The following TMEM229B variants were observed in gnomAD, a reference collection of about 807,000 sequenced individuals.
TMEM229B encodes the protein chromosome 14 open reading frame 83.
In TMEM229B, 6 loss-of-function variants were observed where a neutral mutation model predicts 13.7. That is an observed-to-expected ratio of 0.44 (90% CI 0.24 to 0.86). The LOEUF (loss-of-function observed/expected upper bound fraction) is 0.86. Among genes scored for constraint, TMEM229B ranks in the 40% least tolerant of loss-of-function variants. TMEM229B has a pLI of 0.23. For missense variants in TMEM229B, 170 were observed against 236.0 expected, an observed-to-expected ratio of 0.72 and a Z score of 1.83; for synonymous variants, 107 against 102.1, an observed-to-expected ratio of 1.05 and a Z score of -0.29.
rs1442844639 is a variant in TMEM229B at position 67,473,602 on chromosome 14, A to G, written c.322T>C (p.Phe108Leu). 6.2e-7 allele frequency: 1 copy of G among 1,603,344 alleles called. No individual in the cohort carries two copies. The highest frequency in any genetic ancestry group is 1.7e-5 in the Admixed American group (1 of 57,464). Residue 108 changes from phenylalanine (F) to leucine (L), a missense_variant, in exon 3 of 3, where the codon TTC (phenylalanine) becomes CTC (leucine). Physicochemically the swap from Phe to Leu is conservative, Grantham distance 22. This residue lies in a region of TMEM229B where 57 missense variants were observed against 66.7 expected (regional missense o/e 0.85). Transcript: ENST00000554480. This position sits in a 1 kb window ranked among gnomAD's most constrained non-coding sequence, Gnocchi z 6.5. The part of the protein sequence containing the change: ...FNACPWDYSQ[F>L]DFDFMGLITL... ...ATGAGGCCCATGAAGTCAAAGTCGAACTGGGAGTAGTCCCAGGGGCAGGCG... is the reference window on the plus strand; with the variant it reads ...ATGAGGCCCATGAAGTCAAAGTCGAGCTGGGAGTAGTCCCAGGGGCAGGCG...
chr14:67,525,912 T>C (rs1205416709), intron 1 of TMEM229B, among the ~76,000 whole-genome samples: 3 of 152,074 alleles, frequency 2.0e-5, no homozygotes, highest in Non-Finnish European at 4.4e-5. Flanking sequence ...CATCTGAGAG[T>C]TTCCCCAATG....
chr14:67,512,330 TAAG>T (rs1256207429), intron 1 of TMEM229B, among the ~76,000 whole-genome samples: 1 of 152,110 alleles, frequency 6.6e-6, no homozygotes, highest in Admixed American at 6.5e-5. Context: ...TGATGTAGAG[TAAG>T]AAGAAGATCT....
chr14:67,499,805 C>G (rs1420146767), intron 1 of TMEM229B, among the ~76,000 whole-genome samples: 2 of 151,708 alleles, frequency 1.3e-5, no homozygotes, highest in Non-Finnish European at 2.9e-5. Flanking sequence ...CCTCAATTCC[C>G]ACAGGCATGA....
At chr14:67,519,981 C>T (rs569858848), upstream of TMEM229B, among the ~76,000 whole-genome samples, 1 of 152,290 alleles carries the variant, frequency 6.6e-6, no homozygotes, top group East Asian at 1.9e-4. Flanking sequence ...CCTCGGCCCC[C>T]CAAAGTGCTG....
intron 1 of TMEM229B, among the ~76,000 whole-genome samples, chr14:67,504,606 G>T (rs997358487): frequency 1.3e-5 from 2 of 152,146 alleles, no homozygotes; most frequent in African/African-American, 4.8e-5. Flanking sequence ...AAAACAATAG[G>T]CCATGTGCGG....
In TMEM229B at chr14:67,531,911, A is replaced by C. The variant is rs1253502825; in HGVS notation, c.-192+1725T>G. Among the ~76,000 whole-genome samples, 9 of 44,204 alleles carry C rather than the reference A, an allele frequency of 2.0e-4. No individual in the cohort carries two copies. In the East Asian group the frequency reaches 3.4e-3, roughly 16 times the overall value. The allele number at this position is 44,204 out of a possible 152,430, so 29.0% of individuals were successfully genotyped here. A position where few individuals can be genotyped will look rare whatever the true frequency, so the allele number is the denominator to read the frequency against. ...AACAGAACAAGAAGAACCTATGTCC[A>C]AAAAAAAAAAAAAAAAAAAAGTGAA... On this transcript the variant is annotated intron_variant, in intron 1 of 2. Transcript: ENST00000554278.
At chr14:67,489,486 A>G (rs1254641574), upstream of TMEM229B, among the ~76,000 whole-genome samples, 1 of 152,004 alleles carries the variant, frequency 6.6e-6, no homozygotes, top group Non-Finnish European at 1.5e-5. Context: ...CGCTGCTGGG[A>G]GCGTGAAGAA....
intron 2 of TMEM229B, among the ~76,000 whole-genome samples, chr14:67,475,385 A>C (rs1327430819): frequency 6.6e-6 from 1 of 152,150 alleles, no homozygotes; most frequent in Non-Finnish European, 1.5e-5. Context: ...CCCTGCTCTC[A>C]ACTCTTTCAA....
At chr14:67,514,912 C>T (rs1379015948) in intron 1 of TMEM229B, among the ~76,000 whole-genome samples, 1 of 152,222 alleles carries the variant, frequency 6.6e-6, no homozygotes, top group Non-Finnish European at 1.5e-5. Context: ...GGGCAGCAGC[C>T]TCGAAACCGA....
In TMEM229B at chr14:67,470,807, G is replaced by A. The variant is rs185469490; in HGVS notation, c.*2613C>T. The A allele has an allele frequency of 1.2e-3, 184 of 152,816 alleles. 2 individuals carry two copies. Among genetic ancestry groups the A allele is most frequent in the Non-Finnish European group, 9.0e-4 (61 of 68,090 alleles). 9.5% of individuals were successfully genotyped at this position (152,816 alleles called of 1,614,324 possible). ...GCAACACATTGCAATCTGTAACTCA[G>A]AGATGCTGCCATGTCTAGTGGAGAG... On this transcript the variant is annotated 3_prime_UTR_variant, in exon 3 of 3. Coordinates refer to ENST00000554480, the MANE Select transcript of TMEM229B (RefSeq NM_001348543.2).
At chr14:67,488,243 G>A (rs142711542) in intron 1 of TMEM229B, among the ~76,000 whole-genome samples, 7 of 152,228 alleles carry the variant, frequency 4.6e-5, no homozygotes, top group African/African-American at 1.7e-4. Context: ...CTGACCACCA[G>A]GGTCTCTGAG....
upstream of TMEM229B, among the ~76,000 whole-genome samples, chr14:67,516,131 C>T (rs1162896684): frequency 6.6e-6 from 1 of 152,198 alleles, no homozygotes; most frequent in African/African-American, 2.4e-5. Flanking sequence ...GAGACAGGCC[C>T]CTTGGACTGG....
At chr14:67,500,909 A>G (rs572666159) in intron 1 of TMEM229B, among the ~76,000 whole-genome samples, 45 of 152,124 alleles carry the variant, frequency 3.0e-4, no homozygotes, top group Non-Finnish European at 4.9e-4. Context: ...CAGTCAAAGC[A>G]GCTATAAGAA....
intron 2 of TMEM229B, among the ~76,000 whole-genome samples, chr14:67,485,067 C>T (rs966894537): frequency 1.3e-5 from 2 of 152,204 alleles, no homozygotes; most frequent in African/African-American, 2.4e-5. Context: ...ACCTTTAATG[C>T]CTGTAATGGA....
chr14:67,496,305 C>G (rs1255894267), intron 1 of TMEM229B, among the ~76,000 whole-genome samples: 1 of 148,714 alleles, frequency 6.7e-6, no homozygotes, highest in Non-Finnish European at 1.5e-5. Context: ...GTTGCCCAGG[C>G]TGGTCTCAAA....
chr14:67,511,918 C>T (rs188710811), intron 1 of TMEM229B, among the ~76,000 whole-genome samples: 1 of 152,230 alleles, frequency 6.6e-6, no homozygotes, highest in Non-Finnish European at 1.5e-5. Context: ...TCAGTTCTAT[C>T]TGTGGATGTG....
rs560516381 is a variant in TMEM229B at position 67,505,639 on chromosome 14, G to A, written c.-192+9447C>T. ...AGACTGAAGGACCTTAGCTGAAAGA[G>A]GCTAGAGGTGAACCACTGGATTTCA... On this transcript the variant is annotated intron_variant, in intron 1 of 2. Coordinates refer to the TMEM229B transcript ENST00000357461. Among the ~76,000 whole-genome samples, 5 of 152,252 alleles carry A rather than the reference G, an allele frequency of 3.3e-5. No individual in the cohort carries two copies. The South Asian group carries it at 1.0e-3, about 32-fold the overall frequency.
intron 1 of TMEM229B, among the ~76,000 whole-genome samples, chr14:67,502,087 C>T (rs1228717120): frequency 6.6e-6 from 1 of 152,190 alleles, no homozygotes; most frequent in Non-Finnish European, 1.5e-5. Context: ...AATACCAACA[C>T]TTTGGGAGGC....
At chr14:67,475,028 G>C (rs956118412) in intron 2 of TMEM229B, among the ~76,000 whole-genome samples, 99 of 148,178 alleles carry the variant, frequency 6.7e-4, no homozygotes, top group African/African-American at 2.3e-3. Flanking sequence ...CGATTCTCCT[G>C]TCTCAGACTC....
Sources: allele counts gnomAD v4.1 joint callset (sites outside exome capture counted in the v4.1 genomes callset), GRCh38; gene constraint gnomAD v4.1.1; regional missense constraint gnomAD v4.1.1; non-coding constraint Gnocchi (gnomAD v3.1); transcripts MANE v1.5; gene names NCBI Gene and HGNC (gene_info 2026-07-23, HGNC 2026-07-21).